SPATA1: variants seen among roughly 807,000 people sequenced by gnomAD.
The protein encoded by SPATA1 is spermatogenesis-associated protein 1.
A neutral mutation model predicts 59.6 loss-of-function variants in SPATA1; 57 were observed. That is an observed-to-expected ratio of 0.96 (90% CI 0.77 to 1.19). The LOEUF is 1.19. SPATA1 is among the 50% of genes most tolerant of loss of function. The probability of loss-of-function intolerance (pLI) is 0.00; values close to 1 mark genes in which losing one functional copy is unlikely to be tolerated. For synonymous variants in SPATA1, 147 were observed against 163.9 expected (o/e 0.90, Z 0.79); for missense variants, 448 against 480.7 (o/e 0.93, Z 0.64).
Position 84,522,511 on chromosome 1 carries a change from A to G in SPATA1, c.261+4A>G, listed in dbSNP as rs1434028862. Reference sequence around the variant, plus strand: ...CATTGGAAATAATTTAGCTGTGGTAAGTTTTCTTTTTTTTTCTTTCTGATT... The same window carrying G: ...CATTGGAAATAATTTAGCTGTGGTAGGTTTTCTTTTTTTTTCTTTCTGATT... On this transcript the variant is annotated splice_donor_region_variant and intron_variant, in intron 4 of 12. Transcript: ENST00000490879. 1 of 1,481,330 alleles carries G rather than the reference A, an allele frequency of 6.8e-7. No individual in the cohort carries two copies. The highest frequency in any genetic ancestry group is 1.4e-5 in the African/African-American group (1 of 70,148). 91.8% of individuals were successfully genotyped at this position (1,481,330 alleles called of 1,614,324 possible).
In SPATA1 at chr1:84,526,158, C is replaced by T. The variant is rs1010783219; in HGVS notation, c.544+85C>T. The T allele has an allele frequency of 1.1e-5, 12 of 1,114,660 alleles. No homozygotes were observed. The Middle Eastern group carries it at 1.0e-3, about 93-fold the overall frequency. The allele number at this position is 1,114,660 out of a possible 1,614,324, so 69.0% of individuals were successfully genotyped here. On this transcript the variant is annotated intron_variant, in intron 6 of 12. Coordinates refer to ENST00000490879, the Ensembl canonical transcript of SPATA1. Reference sequence around the variant, plus strand: ...AGTCTGTAAGCAAACCCTGAGCAAACCTAGCCTTACAAATATAGGCAGTTT... The same window carrying T: ...AGTCTGTAAGCAAACCCTGAGCAAATCTAGCCTTACAAATATAGGCAGTTT...
chr1:84,536,892 T>G (rs1300143235), intron 8 of SPATA1, among the ~76,000 whole-genome samples: 3 of 147,698 alleles, frequency 2.0e-5, no homozygotes, highest in African/African-American at 7.3e-5. Flanking sequence ...TTTTTTTTTT[T>G]TTTTTGAGAT....
intron 1 of SPATA1, among the ~76,000 whole-genome samples, chr1:84,509,208 T>TAAAAAAAAAAAA (rs547069684): frequency 7.4e-6 from 1 of 134,422 alleles, no homozygotes; most frequent in Admixed American, 7.5e-5. Context: ...GGTACTGGCA[T>TAAAAAAAAAAAA]AAAAAAAAAA....
Position 84,550,624 on chromosome 1 carries a change from T to C in SPATA1, c.1224+94T>C, listed in dbSNP as rs546440083. On this transcript the variant is annotated intron_variant, in intron 12 of 12. Transcript: ENST00000490879. Reference sequence around the variant, plus strand: ...ACTTTGGGTGTCAATAATATAAGGGTAGCCAGGATTGACTGTATTAAAATT... The same window carrying C: ...ACTTTGGGTGTCAATAATATAAGGGCAGCCAGGATTGACTGTATTAAAATT... 1.2e-4 allele frequency: 164 copies of C among 1,328,464 alleles called. No homozygotes were observed. The African/African-American group carries it at 1.8e-3, about 15-fold the overall frequency. The allele number at this position is 1,328,464 out of a possible 1,614,324, so 82.3% of individuals were successfully genotyped here.
intron 8 of SPATA1, among the ~76,000 whole-genome samples, 179 bp downstream of exon 8, chr1:84,533,945 A>G (rs1683574274): frequency 6.6e-6 from 1 of 152,044 alleles, no homozygotes; most frequent in South Asian, 2.1e-4. Flanking sequence ...AATATGCCCA[A>G]ATGAGAAGGG....
chr1:84,533,359 A>G (rs1683547980), intron 7 of SPATA1, among the ~76,000 whole-genome samples: 1 of 152,114 alleles, frequency 6.6e-6, no homozygotes, highest in Non-Finnish European at 1.5e-5. Context: ...TATAGTACTT[A>G]GACGAGTTTT....
intron 6 of SPATA1, among the ~76,000 whole-genome samples, chr1:84,532,542 G>C (rs779154097): frequency 4.6e-5 from 7 of 151,926 alleles, no homozygotes; most frequent in Non-Finnish European, 5.9e-5. Context: ...TACCTACCCC[G>C]CTCTTGCAGA....
chr1:84,564,432 A>G (rs1249586092), intron 4 of SPATA1, among the ~76,000 whole-genome samples: 1 of 152,194 alleles, frequency 6.6e-6, no homozygotes, highest in Non-Finnish European at 1.5e-5. Context: ...ATGTTCAGCT[A>G]AAAAACTTTA....
rs369749012 is a variant in SPATA1 at position 84,548,893 on chromosome 1, C to T, written c.1054C>T (p.Leu352=). Residue 352 remains leucine (L), a synonymous_variant, in exon 11 of 13, where the codon CTG becomes TTG. Transcript: ENST00000490879. The stretch of plus-strand genomic sequence containing the variant: ...AGATTTGGAACTCTACTATAAAAAA[C>T]TGCTCATGCAACTTGAAGCCAGGGA... 3.7e-5 allele frequency: 59 copies of T among 1,602,526 alleles called. No homozygotes were observed. In the African/African-American group the frequency reaches 7.2e-4, roughly 19 times the overall value.
exon 5 of SPATA1, chr1:84,566,154 C>A (rs1044204367): frequency 4.2e-5 from 17 of 400,016 alleles, no homozygotes; most frequent in Non-Finnish European, 6.8e-5. Context: ...GGGTTTGACA[C>A]ACATAGAACT....
chr1:84,510,827 C>T (rs187356680), intron 1 of SPATA1, among the ~76,000 whole-genome samples: 317 of 152,126 alleles, frequency 2.1e-3, no homozygotes, highest in Middle Eastern at 6.8e-3. Flanking sequence ...AGTACCGTTC[C>T]GCCATAAAAA....
chr1:84,550,667 G>C, intron 12 of SPATA1, 137 bp downstream of exon 12: 1 of 1,219,446 alleles, frequency 8.2e-7, no homozygotes, highest in Admixed American at 4.3e-5. Flanking sequence ...TAACAGTAAA[G>C]AGCATAGGTG....
chr1:84,529,517 A>AT (rs1683371701), intron 6 of SPATA1, among the ~76,000 whole-genome samples: 1 of 150,376 alleles, frequency 6.6e-6, no homozygotes, highest in Admixed American at 6.6e-5. Context: ...GAAACGTGAC[A>AT]TTTTAGAGAA....
At chr1:84,540,304 C>G (rs1034361742) in intron 8 of SPATA1, among the ~76,000 whole-genome samples, 1 of 151,658 alleles carries the variant, frequency 6.6e-6, no homozygotes, top group Non-Finnish European at 1.5e-5. Flanking sequence ...GGGTTTTTTT[C>G]GTCTTGGTAT....
At position 84,511,200 on chromosome 1, in the gene SPATA1, C is replaced by A. The variant is rs369449863; in HGVS notation, c.-138+4782C>A. 1.8e-4 allele frequency among the ~76,000 whole-genome samples: 28 copies of A among 151,842 alleles called. 1 individual carries two copies. Among genetic ancestry groups the A allele is most frequent in the African/African-American group, 6.3e-4 (26 of 41,398 alleles). ...AATAAATGCTTGAGGTCATGTATAC[C>A]CTATTTACCCTGATGTGCTTTTCAC... On this transcript the variant is annotated intron_variant, in intron 1 of 12. Transcript: ENST00000490879.
In SPATA1 at chr1:84,563,915, CTGTT is replaced by C. The variant is rs544341022; in HGVS notation, n.443-1942_443-1939del. Reference sequence around the variant, plus strand: ...TACAAGCTATGCAACCGTTCAGAATCTGTTTGTAAAAACAAGTACATTTATAAAA... The same window carrying C: ...TACAAGCTATGCAACCGTTCAGAATCTGTAAAAACAAGTACATTTATAAAA... On this transcript the variant is annotated intron_variant and non_coding_transcript_variant, in intron 4 of 4. Transcript: ENST00000460286. 1,151 of 1,414,994 alleles carry C rather than the reference CTGTT, an allele frequency of 8.1e-4. 20 individuals are homozygous for C. The Admixed American group carries it at 0.018, about 22-fold the overall frequency. 87.7% of individuals were successfully genotyped at this position (1,414,994 alleles called of 1,614,324 possible).
rs978311676 is a variant in SPATA1 at position 84,519,429 on chromosome 1, G to A, written c.37-1156G>A. Among the ~76,000 whole-genome samples the A allele has an allele frequency of 1.8e-4, 28 of 151,544 alleles. 1 individual carries two copies. Among genetic ancestry groups the A allele is most frequent in the African/African-American group, 6.3e-4 (26 of 41,388 alleles). On this transcript the variant is annotated intron_variant, in intron 2 of 12. Transcript: ENST00000490879. ...TTTTTTCAACTACTTTGTTGTTCTG[G>A]AAAAAAGCCATTAAAATGTCTTTTT...
intron 1 of SPATA1, among the ~76,000 whole-genome samples, chr1:84,513,228 C>T (rs1282600820): frequency 6.6e-6 from 1 of 152,184 alleles, no homozygotes; most frequent in East Asian, 1.9e-4. Flanking sequence ...CTCCGTCTCC[C>T]GGGTTCAGGC....
At chr1:84,533,623 G>A (rs1302836062) in intron 7 of SPATA1, 86 bp from the exon 8 acceptor site, 6 of 1,054,816 alleles carry the variant, frequency 5.7e-6, no homozygotes, top group Non-Finnish European at 8.4e-6. Flanking sequence ...TGTTTACAGA[G>A]CATCAAATAA....
Sources: gnomAD v4.1 joint callset for allele counts (sites outside exome capture counted in the v4.1 genomes callset) on GRCh38, gnomAD v4.1.1 for gene constraint, MANE v1.5 for transcripts, NCBI Gene and HGNC (gene_info 2026-07-23, HGNC 2026-07-21) for gene names.